Variants in BARD1 observed in about 807,000 individuals in gnomAD.
BARD1 encodes the protein BRCA1-associated RING domain protein 1.
Under a neutral mutation model 77.0 loss-of-function variants are expected in BARD1, and 73 were observed. The ratio of observed to expected loss-of-function variants is 0.95; its 90% CI spans 0.79 to 1.15. BARD1 has a LOEUF of 1.15. BARD1 is among the 50% of genes most tolerant of loss of function. The pLI is 0.00. For missense variants in BARD1, 993 were observed against 938.8 expected, an observed-to-expected ratio of 1.06 and a Z score of -0.75; for synonymous variants, 384 against 338.0, an observed-to-expected ratio of 1.14 and a Z score of -1.49.
At chr2:214,773,337 C>T (rs188625731) in intron 4 of BARD1, among the ~76,000 whole-genome samples, 3 of 152,086 alleles carry the variant, frequency 2.0e-5, no homozygotes, top group Non-Finnish European at 4.4e-5. Flanking sequence ...GTAAATGAAC[C>T]GACCAGGAAC....
At position 214,805,132 on chromosome 2, in the gene BARD1, G is replaced by C. The variant is rs13430541; in HGVS notation, c.158+4280C>G. On this transcript the variant is annotated intron_variant, in intron 1 of 10. Transcript: ENST00000260947. ...GCCGAGATCACACCACCGCACTCCA[G>C]CCTGGGTGACAGAGGGAGACTCCGT... 0.026 allele frequency among the ~76,000 whole-genome samples: 3,974 copies of C among 152,244 alleles called. 173 individuals carry two copies. The highest frequency in any genetic ancestry group is 0.091 in the African/African-American group (3,778 of 41,518).
chr2:214,761,232 G>A (rs191991717), intron 6 of BARD1, among the ~76,000 whole-genome samples: 15 of 151,724 alleles, frequency 9.9e-5, no homozygotes, highest in Non-Finnish European at 1.8e-4. Flanking sequence ...TTGGCAGGGG[G>A]CAGGATATTT....
chr2:214,746,788 G>C (rs960661766), intron 7 of BARD1, among the ~76,000 whole-genome samples: 7 of 152,048 alleles, frequency 4.6e-5, no homozygotes, highest in African/African-American at 1.4e-4. Context: ...TCAGGACATA[G>C]GCATGGGCAA....
At chr2:214,751,532 G>C (rs1559393774) in intron 7 of BARD1, among the ~76,000 whole-genome samples, 1 of 151,804 alleles carries the variant, frequency 6.6e-6, no homozygotes, top group Non-Finnish European at 1.5e-5. Flanking sequence ...TATTTTTATA[G>C]CTTATTTTAC....
chr2:214,752,544 C>T lies in BARD1; in HGVS notation c.1580G>A (p.Gly527Asp), dbSNP rs587781507. The change falls in exon 7 of 11, where the codon GGT (glycine) becomes GAT (aspartate). Residue 527 changes from glycine to aspartate, a missense_variant. Coordinates refer to ENST00000260947, the MANE Select transcript of BARD1 (RefSeq NM_000465.4). Reference protein sequence around the residue: ...GASRNAVNIFGLRPVDYTDDE... With the variant: ...GASRNAVNIFDLRPVDYTDDE... The stretch of plus-strand genomic sequence containing the variant: ...ATCTGTATAATCGACAGGCCGCAGA[C>T]CAAATATATTACTGGTAAAATAAGT... 1 of 1,612,874 alleles carries T rather than the reference C, an allele frequency of 6.2e-7. No individual in the cohort carries two copies. Among genetic ancestry groups the T allele is most frequent in the Non-Finnish European group, 8.5e-7 (1 of 1,179,046 alleles).
chr2:214,744,046 C>T (rs1292722096), intron 9 of BARD1, among the ~76,000 whole-genome samples: 1 of 152,206 alleles, frequency 6.6e-6, no homozygotes, highest in East Asian at 1.9e-4. Context: ...GGTCAATCCA[C>T]TGTTCTATGT....
At chr2:214,771,446 CTGGCCAGACGTGG>C (rs1261967289) in intron 4 of BARD1, among the ~76,000 whole-genome samples, 2 of 151,662 alleles carry the variant, frequency 1.3e-5, no homozygotes, top group African/African-American at 4.8e-5. Flanking sequence ...AAAAATTTTG[CTGGCCAGACGTGG>C]TGGCTCACAC....
At chr2:214,790,091 T>C (rs1376795864) in intron 3 of BARD1, among the ~76,000 whole-genome samples, 3 of 152,088 alleles carry the variant, frequency 2.0e-5, no homozygotes, top group South Asian at 4.2e-4. Flanking sequence ...CCTCAAAATA[T>C]AAATGATTCA....
At position 214,809,678 on chromosome 2, in the gene BARD1, G is replaced by C. The variant is rs973058934; in HGVS notation, c.-109C>G. 2 of 1,432,730 alleles carry C rather than the reference G, an allele frequency of 1.4e-6. No individual in the cohort carries two copies. Among genetic ancestry groups the C allele is most frequent in the East Asian group, 2.5e-5 (1 of 39,490 alleles). 88.8% of individuals were successfully genotyped at this position (1,432,730 alleles called of 1,614,324 possible). A position where few individuals can be genotyped will look rare whatever the true frequency, so the allele number is the denominator to read the frequency against. On this transcript the variant is annotated 5_prime_UTR_variant, in exon 1 of 11. Transcript: ENST00000260947. ...ACTCGAAACCGGCCAAGCTCTTCCC[G>C]CGTCTGGGACGGCGGGCCGCCAGAG... is the stretch of plus-strand genomic sequence containing the variant.
At chr2:214,747,313 C>G (rs1367659242) in intron 7 of BARD1, among the ~76,000 whole-genome samples, 1 of 149,176 alleles carries the variant, frequency 6.7e-6, no homozygotes, top group Non-Finnish European at 1.5e-5. Flanking sequence ...CCTCAGGGAT[C>G]TAGAACTGGA....
intron 1 of BARD1, among the ~76,000 whole-genome samples, chr2:214,802,875 T>C (rs139043213): frequency 3.8e-4 from 58 of 152,334 alleles, no homozygotes; most frequent in African/African-American, 1.3e-3. Flanking sequence ...TACATGTAGT[T>C]GATTTAGAAA....
At position 214,745,146 on chromosome 2, in the gene BARD1, A is replaced by C. The variant is rs1268678327; in HGVS notation, c.1824T>G (p.Val608=). The C allele has an allele frequency of 1.2e-6, 2 of 1,613,824 alleles. No individual in the cohort carries two copies. The highest frequency in any genetic ancestry group is 2.7e-5 in the African/African-American group (2 of 74,940). Residue 608 remains valine, a synonymous_variant, in exon 9 of 11, where the codon GTT becomes GTG. Coordinates refer to ENST00000260947, the MANE Select transcript of BARD1 (RefSeq NM_000465.4). ...TACTTTGAACTGCATCACCAGGAAC[A>C]ACAACATGAGTTACTAAAATACAAA... ...TEFDSTVTHV[V]VPGDAVQSTL...
chr2:214,797,163 TAAAC>T, intron 1 of BARD1, 46 bp from the exon 2 acceptor site: 2 of 1,451,492 alleles, frequency 1.4e-6, no homozygotes, highest in Non-Finnish European at 1.9e-6. Context: ...CATTGTTAGA[TAAAC>T]ATCTCACACC....
At chr2:214,742,103 G>A (rs1480265274) in intron 9 of BARD1, among the ~76,000 whole-genome samples, 1 of 152,190 alleles carries the variant, frequency 6.6e-6, no homozygotes, top group Non-Finnish European at 1.5e-5. Context: ...TTAATGGACA[G>A]ACTCAAACAT....
intron 9 of BARD1, among the ~76,000 whole-genome samples, chr2:214,739,550 CAAT>C (rs1282123812): frequency 1.3e-5 from 2 of 151,136 alleles, no homozygotes; most frequent in Admixed American, 6.6e-5. Context: ...CAGCCTACAA[CAAT>C]GACAAAAATG....
intron 6 of BARD1, among the ~76,000 whole-genome samples, chr2:214,755,233 C>A (rs1693639626): frequency 6.6e-6 from 1 of 152,100 alleles, no homozygotes; most frequent in African/African-American, 2.4e-5. Context: ...ATACATTATT[C>A]TTCATCACTA....
At chr2:214,758,899 T>C (rs897656070) in intron 6 of BARD1, among the ~76,000 whole-genome samples, 3 of 152,224 alleles carry the variant, frequency 2.0e-5, no homozygotes, top group Non-Finnish European at 4.4e-5. Flanking sequence ...TGTACTTGCA[T>C]GTACAGACCA....
intron 6 of BARD1, among the ~76,000 whole-genome samples, chr2:214,764,415 C>T (rs73989334): frequency 0.041 from 6,170 of 152,160 alleles, 288 homozygotes; most frequent in African/African-American, 0.12. Flanking sequence ...CAGGTGAAAC[C>T]CAAATGAGAA....
intron 5 of BARD1, among the ~76,000 whole-genome samples, chr2:214,768,374 C>T (rs16852661): frequency 0.37 from 56,493 of 152,088 alleles, 10,623 homozygotes; most frequent in Middle Eastern, 0.44. Flanking sequence ...GGAATCCAAA[C>T]TAGGCACTAA....
Sources: allele counts gnomAD v4.1 joint callset (sites outside exome capture counted in the v4.1 genomes callset), GRCh38; gene constraint gnomAD v4.1.1; transcripts MANE v1.5; gene names NCBI Gene and HGNC (gene_info 2026-07-23, HGNC 2026-07-21).